The following SLC9A9 variants were observed in gnomAD, a reference collection of about 807,000 sequenced individuals.
SLC9A9 encodes sodium/hydrogen exchanger 9.
A neutral mutation model predicts 77.8 loss-of-function variants in SLC9A9; 62 were observed. The ratio of observed to expected loss-of-function variants is 0.80; its 90% CI spans 0.65 to 0.98. The LOEUF (loss-of-function observed/expected upper bound fraction) is 0.98. Ranked by LOEUF, SLC9A9 falls within the 50% of genes least tolerant of loss-of-function variation. SLC9A9 has a pLI of 0.00. For missense variants in SLC9A9, 775 were observed against 774.9 expected (o/e 1.00, Z 0.00); for synonymous variants, 320 against 283.5 (o/e 1.13, Z -1.29).
At chr3:143,502,888 T>C (rs1013998195) in intron 9 of SLC9A9, among the ~76,000 whole-genome samples, 1 of 152,262 alleles carries the variant, frequency 6.6e-6, no homozygotes, top group Non-Finnish European at 1.5e-5. Context: ...GGGAGCTTTC[T>C]ACACAGAATA....
At chr3:143,570,327 T>C (rs1445828274) in intron 8 of SLC9A9, among the ~76,000 whole-genome samples, 1 of 152,122 alleles carries the variant, frequency 6.6e-6, no homozygotes, top group African/African-American at 2.4e-5. Context: ...ATTATCAAAT[T>C]AGCAGTGATT....
At chr3:143,688,838 T>C (rs1372784934) in intron 5 of SLC9A9, among the ~76,000 whole-genome samples, 1 of 152,094 alleles carries the variant, frequency 6.6e-6, no homozygotes, top group African/African-American at 2.4e-5. Context: ...GTAACTTATA[T>C]GACAGACAAA....
chr3:143,613,521 G>T (rs887451926), intron 6 of SLC9A9, among the ~76,000 whole-genome samples: 1 of 152,108 alleles, frequency 6.6e-6, no homozygotes, highest in African/African-American at 2.4e-5. Context: ...TAGTAAGTCT[G>T]GTATTTCTTA....
chr3:143,847,909 G>A (rs1335647979), intron 1 of SLC9A9: 2 of 567,768 alleles, frequency 3.5e-6, no homozygotes, highest in Non-Finnish European at 6.3e-6. Flanking sequence ...TCTGTCAACA[G>A]ACTTGCATTA....
chr3:143,776,883 A>T (rs2007708565), intron 4 of SLC9A9, among the ~76,000 whole-genome samples: 1 of 152,202 alleles, frequency 6.6e-6, no homozygotes, highest in Non-Finnish European at 1.5e-5. Context: ...TTTTTAAAAG[A>T]TTATAAATTG....
At chr3:143,505,260 A>G (rs1441011974) in intron 9 of SLC9A9, among the ~76,000 whole-genome samples, 3 of 152,190 alleles carry the variant, frequency 2.0e-5, no homozygotes, top group Non-Finnish European at 4.4e-5. Context: ...AGCTCTTGCC[A>G]TGTATTTGAA....
At chr3:143,534,956 A>G (rs1448768135) in intron 9 of SLC9A9, among the ~76,000 whole-genome samples, 1 of 152,206 alleles carries the variant, frequency 6.6e-6, no homozygotes. Context: ...TGCAATTTAA[A>G]ATCAAGCATT....
intron 14 of SLC9A9, among the ~76,000 whole-genome samples, chr3:143,286,915 C>T (rs955158556): frequency 6.6e-6 from 1 of 152,164 alleles, no homozygotes; most frequent in African/African-American, 2.4e-5. Flanking sequence ...AATCTTAAAG[C>T]AAAATGAGGC....
intron 12 of SLC9A9, among the ~76,000 whole-genome samples, chr3:143,426,684 A>T (rs564161163): frequency 6.6e-6 from 1 of 152,246 alleles, no homozygotes; most frequent in Non-Finnish European, 1.5e-5. Flanking sequence ...ACCCAGTGCC[A>T]TGTTGGAAAA....
At position 143,448,052 on chromosome 3, in the gene SLC9A9, C is replaced by G. The variant is rs113844777; in HGVS notation, c.1469+18985G>C. 9.1e-4 allele frequency among the ~76,000 whole-genome samples: 138 copies of G among 152,178 alleles called. 2 individuals carry two copies. The highest frequency in any genetic ancestry group is 3.1e-3 in the African/African-American group (130 of 41,516). On this transcript the variant is annotated intron_variant, in intron 12 of 15. Coordinates refer to ENST00000316549, the MANE Select transcript of SLC9A9 (RefSeq NM_173653.4). ...GCATTTTCAAAGGCATATTGCATCC[C>G]GTGGGACTAAGTGTCCCATTAGTAA...
At chr3:143,499,222 G>C (rs2035888730) in intron 9 of SLC9A9, among the ~76,000 whole-genome samples, 1 of 152,090 alleles carries the variant, frequency 6.6e-6, no homozygotes. Context: ...ATTTTAGTTG[G>C]AATAGTATTA....
intron 12 of SLC9A9, among the ~76,000 whole-genome samples, chr3:143,431,405 T>G (rs149949645): frequency 5.3e-4 from 81 of 152,004 alleles, no homozygotes; most frequent in African/African-American, 1.9e-3. Flanking sequence ...CAGTGTATTC[T>G]CAAGACAGCA....
intron 12 of SLC9A9, among the ~76,000 whole-genome samples, chr3:143,431,305 G>A (rs2034508865): frequency 6.6e-6 from 1 of 152,120 alleles, no homozygotes; most frequent in South Asian, 2.1e-4. Context: ...ATAGCACATA[G>A]AACCATGAAT....
intron 4 of SLC9A9, among the ~76,000 whole-genome samples, chr3:143,776,073 G>A (rs1294660611): frequency 2.0e-5 from 3 of 152,006 alleles, no homozygotes; most frequent in Admixed American, 1.3e-4. Context: ...TCTTTATCAT[G>A]TTCTAAATAA....
intron 3 of SLC9A9, among the ~76,000 whole-genome samples, chr3:143,796,080 C>A (rs1049375777): frequency 1.3e-5 from 2 of 152,172 alleles, no homozygotes; most frequent in African/African-American, 4.8e-5. Context: ...CACATCACCT[C>A]TGCATCTCAA....
intron 14 of SLC9A9, among the ~76,000 whole-genome samples, chr3:143,291,200 G>C (rs2029937694): frequency 6.6e-6 from 1 of 152,148 alleles, no homozygotes; most frequent in Non-Finnish European, 1.5e-5. Context: ...CCCTCCCTTT[G>C]AGCAGCACCC....
At chr3:143,845,742 A>G (rs2108901736) in intron 1 of SLC9A9, among the ~76,000 whole-genome samples, 1 of 152,366 alleles carries the variant, frequency 6.6e-6, no homozygotes, top group Middle Eastern at 3.4e-3. Flanking sequence ...AAACATCACT[A>G]AAATATGTCT....
intron 12 of SLC9A9, among the ~76,000 whole-genome samples, chr3:143,426,289 G>C (rs1198637434): frequency 6.6e-6 from 1 of 152,176 alleles, no homozygotes; most frequent in East Asian, 1.9e-4. Flanking sequence ...GGTTGTAGCA[G>C]AGACTTTACT....
chr3:143,464,744 A>G (rs2035255876), intron 12 of SLC9A9, among the ~76,000 whole-genome samples: 1 of 152,188 alleles, frequency 6.6e-6, no homozygotes, highest in African/African-American at 2.4e-5. Context: ...GACCTACTGG[A>G]TGAGAAACTT....
Sources: allele counts gnomAD v4.1 joint callset (sites outside exome capture counted in the v4.1 genomes callset), GRCh38; gene constraint gnomAD v4.1.1; transcripts MANE v1.5; gene names NCBI Gene and HGNC (gene_info 2026-07-23, HGNC 2026-07-21).